The following HIPK2 variants were observed in gnomAD, a reference collection of about 807,000 sequenced individuals.
The protein encoded by HIPK2 is homeodomain-interacting protein kinase 2.
Under a neutral mutation model 113.7 loss-of-function variants are expected in HIPK2, and 27 were observed. That is an observed-to-expected ratio of 0.24 (90% CI 0.17 to 0.33). The LOEUF (loss-of-function observed/expected upper bound fraction) is 0.33, where lower values mean the gene tolerates loss of function less well. HIPK2 is among the 10% of genes least tolerant of loss of function. The pLI, the probability that HIPK2 is intolerant of heterozygous loss-of-function variation, is 1.00. For missense variants in HIPK2, 1,257 were observed against 1,588.0 expected, an observed-to-expected ratio of 0.79 and a Z score of 3.54; for synonymous variants, 631 against 642.2, an observed-to-expected ratio of 0.98 and a Z score of 0.26.
chr7:139,766,056 C>T (rs1207288031), intron 1 of HIPK2, among the ~76,000 whole-genome samples: 1 of 152,220 alleles, frequency 6.6e-6, no homozygotes, highest in Non-Finnish European at 1.5e-5. Context: ...TGCCCTCTCT[C>T]ATCTAGGAGG....
chr7:139,759,001 C>T (rs1796405992), intron 1 of HIPK2, among the ~76,000 whole-genome samples: 1 of 152,116 alleles, frequency 6.6e-6, no homozygotes, highest in Admixed American at 6.5e-5. Flanking sequence ...GGCAAACCAC[C>T]ACCACTAAGT....
intron 14 of HIPK2, among the ~76,000 whole-genome samples, chr7:139,574,348 C>A (rs1357123117): frequency 6.6e-6 from 1 of 151,964 alleles, no homozygotes; most frequent in African/African-American, 2.4e-5. Flanking sequence ...TGCACTTGAG[C>A]CTGGGTGACA....
At chr7:139,771,108 A>G (rs371791688) in intron 1 of HIPK2, among the ~76,000 whole-genome samples, 2 of 152,286 alleles carry the variant, frequency 1.3e-5, no homozygotes, top group East Asian at 1.9e-4. Context: ...CCACTCTCAT[A>G]AACACCTAGC....
intron 1 of HIPK2, among the ~76,000 whole-genome samples, chr7:139,727,560 A>G (rs1039654790): frequency 4.6e-5 from 7 of 152,176 alleles, no homozygotes; most frequent in African/African-American, 1.7e-4. Context: ...ACATCTATCT[A>G]CTTATTGACT....
intron 1 of HIPK2, 145 bp downstream of exon 1, chr7:139,777,460 G>A (rs952853416): frequency 5.3e-6 from 1 of 188,770 alleles, no homozygotes; most frequent in Non-Finnish European, 1.0e-5. Context: ...TTCCGGGCGA[G>A]GGAGGGGGTC....
At chr7:139,753,643 G>C (rs928319658) in intron 1 of HIPK2, among the ~76,000 whole-genome samples, 6 of 152,240 alleles carry the variant, frequency 3.9e-5, no homozygotes, top group African/African-American at 1.4e-4. Flanking sequence ...GTTGAGCACA[G>C]TAGGGAAAAT....
At chr7:139,629,743 A>G (rs1188423242) in intron 4 of HIPK2, among the ~76,000 whole-genome samples, 1 of 152,222 alleles carries the variant, frequency 6.6e-6, no homozygotes, top group African/African-American at 2.4e-5. Flanking sequence ...ATTCGTCTTC[A>G]AAATCTCACT....
At chr7:139,744,933 G>A (rs928938726) in intron 1 of HIPK2, among the ~76,000 whole-genome samples, 6 of 152,218 alleles carry the variant, frequency 3.9e-5, no homozygotes, top group Non-Finnish European at 7.3e-5. Context: ...TGGAAGTCAC[G>A]TTAAGCGGCA....
intron 14 of HIPK2, among the ~76,000 whole-genome samples, chr7:139,574,221 G>A (rs1798412212): frequency 6.6e-6 from 1 of 151,816 alleles, no homozygotes; most frequent in African/African-American, 2.4e-5. Context: ...AAAAAATTTT[G>A]AAAATTAGCT....
chr7:139,763,483 C>CG (rs1491270640), intron 1 of HIPK2, among the ~76,000 whole-genome samples: 2 of 134,860 alleles, frequency 1.5e-5, no homozygotes, highest in East Asian at 2.2e-4. Context: ...CCCCCCCCCC[C>CG]ACACGCCCCT....
intron 1 of HIPK2, among the ~76,000 whole-genome samples, chr7:139,742,621 T>G (rs139269855): frequency 1.3e-3 from 205 of 152,388 alleles, no homozygotes; most frequent in African/African-American, 4.6e-3. Flanking sequence ...GGTAATTTTC[T>G]GATTTATCTT....
At chr7:139,624,347 G>A (rs1027966509) in intron 6 of HIPK2, among the ~76,000 whole-genome samples, 1 of 152,002 alleles carries the variant, frequency 6.6e-6, no homozygotes, top group African/African-American at 2.4e-5. Context: ...TCTCCCCTTC[G>A]TTCACTGAGG....
In HIPK2 at chr7:139,573,272, G is replaced by C; in HGVS notation, c.3252C>G (p.His1084Gln). The C allele has an allele frequency of 6.2e-7, 1 of 1,604,794 alleles. No individual in the cohort carries two copies. The highest frequency in any genetic ancestry group is 8.5e-7 in the Non-Finnish European group (1 of 1,179,758). Residue 1084 changes from histidine (H) to glutamine (Q), a missense_variant, in exon 15 of 15, where the codon CAC (histidine) becomes CAG (glutamine). Physicochemically the swap from His to Gln is conservative, Grantham distance 24. Around this residue, in one of 5 missense-constraint regions of HIPK2, gnomAD observed 862 missense variants for 1,004.3 expected, o/e 0.86. Coordinates refer to ENST00000406875, the MANE Select transcript of HIPK2 (RefSeq NM_022740.5). ...PHNSPSHGTVHPHLAAAAAAA... is the reference protein window; with the variant it reads ...PHNSPSHGTVQPHLAAAAAAA... ...CGGCAGCGGCTGCAGCCAGATGCGG[G>C]TGCACAGTGCCGTGGCTGGGGCTGT...
chr7:139,711,528 G>A lies in HIPK2; in HGVS notation c.1103+4404C>T, dbSNP rs79161838. On this transcript the variant is annotated intron_variant, in intron 2 of 14. Transcript: ENST00000406875. ...TTTTGGGTCCTGGTAACAGTCCTAC[G>A]TGTTTCAAAAAACTCTAGACAAGAA... Among the ~76,000 whole-genome samples the A allele has an allele frequency of 2.8e-3, 419 of 152,178 alleles. 5 individuals are homozygous for A. Among genetic ancestry groups the A allele is most frequent in the African/African-American group, 9.8e-3 (406 of 41,542 alleles).
chr7:139,742,032 A>G (rs1269168768), intron 1 of HIPK2, among the ~76,000 whole-genome samples: 1 of 152,234 alleles, frequency 6.6e-6, no homozygotes, highest in Non-Finnish European at 1.5e-5. Context: ...TCGTAAAATC[A>G]GAGGACCTGA....
intron 2 of HIPK2, among the ~76,000 whole-genome samples, chr7:139,692,173 G>C (rs960194339): frequency 6.6e-6 from 1 of 152,148 alleles, no homozygotes; most frequent in Non-Finnish European, 1.5e-5. Flanking sequence ...TTCTAATTCT[G>C]AAGTATCTGA....
intron 7 of HIPK2, among the ~76,000 whole-genome samples, chr7:139,619,780 A>C (rs1800173829): frequency 6.6e-6 from 1 of 151,924 alleles, no homozygotes; most frequent in Non-Finnish European, 1.5e-5. Context: ...TTGTTTTTTG[A>C]GACGGGGTCT....
intron 12 of HIPK2, among the ~76,000 whole-genome samples, chr7:139,584,712 G>T (rs1302965958): frequency 6.6e-6 from 1 of 152,216 alleles, no homozygotes; most frequent in Non-Finnish European, 1.5e-5. Flanking sequence ...CTGTGTGCAG[G>T]CCACTACGAC....
At chr7:139,586,528 GGAGGCTGAGGTGGGAGGATTGCTT>G (rs1798836774) in intron 12 of HIPK2, among the ~76,000 whole-genome samples, 1 of 151,994 alleles carries the variant, frequency 6.6e-6, no homozygotes, top group African/African-American at 2.4e-5. Flanking sequence ...CGGTGCTTTG[GGAGGCTGAGGTGGGAGGATTGCTT>G]GAGGCTGGGG....
Sources: allele counts gnomAD v4.1 joint callset (sites outside exome capture counted in the v4.1 genomes callset), GRCh38; gene constraint gnomAD v4.1.1; regional missense constraint gnomAD v4.1.1; transcripts MANE v1.5; gene names NCBI Gene and HGNC (gene_info 2026-07-23, HGNC 2026-07-21).